RTL9: variants seen among roughly 807,000 people sequenced by gnomAD.
RTL9 encodes the protein retrotransposon Gag like 9.
Under a neutral mutation model 44.7 loss-of-function variants are expected in RTL9, and 19 were observed. That is an observed-to-expected ratio of 0.42 (90% confidence interval 0.30 to 0.62). The LOEUF is 0.62. Ranked by LOEUF, RTL9 falls within the 20% of genes least tolerant of loss-of-function variation. The pLI is 0.16. For missense variants in RTL9, 1,105 were observed against 1,080.6 expected (o/e 1.02, Z -0.32); for synonymous variants, 407 against 398.9 (o/e 1.02, Z -0.24).
chrX:110,432,669 G>T (rs999867695), intron 1 of RTL9, among the ~76,000 whole-genome samples: 3 of 112,085 alleles, frequency 2.7e-5, no homozygotes, highest in African/African-American at 9.7e-5. Flanking sequence ...GTGTTCCACA[G>T]GCAGCACCAG....
intron 1 of RTL9, among the ~76,000 whole-genome samples, chrX:110,374,603 GA>G (rs1293766914): frequency 5.4e-4 from 60 of 112,100 alleles, no homozygotes; most frequent in African/African-American, 1.7e-3. Context: ...TTAAAACTTA[GA>G]AGTAGGGCTA....
At chrX:110,411,997 T>C (rs1298567763) in intron 1 of RTL9, among the ~76,000 whole-genome samples, 1 of 112,258 alleles carries the variant, frequency 8.9e-6, no homozygotes, top group Non-Finnish European at 1.9e-5. Context: ...ACTAGAAAAA[T>C]GCTCAAAGAA....
At chrX:110,374,944 T>G (rs1452393152) in intron 1 of RTL9, among the ~76,000 whole-genome samples, 1 of 111,131 alleles carries the variant, frequency 9.0e-6, no homozygotes, top group Non-Finnish European at 1.9e-5. Flanking sequence ...TCAGCCTTTT[T>G]AAAGGAAATT....
At chrX:110,446,749 G>T (rs925039364), upstream of RTL9, among the ~76,000 whole-genome samples, 1 of 111,286 alleles carries the variant, frequency 9.0e-6, no homozygotes, top group African/African-American at 3.3e-5. Context: ...ATTTTCAATG[G>T]CTACAATAGT....
upstream of RTL9, among the ~76,000 whole-genome samples, chrX:110,416,650 A>T (rs2068679653): frequency 8.9e-6 from 1 of 112,063 alleles, no homozygotes; most frequent in Non-Finnish European, 1.9e-5. Flanking sequence ...CACTGAAGAC[A>T]TGGGCCTCTT....
At chrX:110,378,920 G>A (rs770900824) in intron 1 of RTL9, among the ~76,000 whole-genome samples, 5 of 108,468 alleles carry the variant, frequency 4.6e-5, no homozygotes, top group Admixed American at 2.0e-4. Context: ...CTGGACACCC[G>A]TCCACCCCCC....
intron 1 of RTL9, among the ~76,000 whole-genome samples, chrX:110,362,973 C>G (rs1039007907): frequency 5.4e-5 from 6 of 111,862 alleles, no homozygotes; most frequent in African/African-American, 1.9e-4. Flanking sequence ...GTAATTTGCT[C>G]AAGGCCCCAC....
intron 1 of RTL9, among the ~76,000 whole-genome samples, chrX:110,401,324 G>A (rs1047816292): frequency 9.0e-6 from 1 of 110,919 alleles, no homozygotes; most frequent in African/African-American, 3.3e-5. Flanking sequence ...AGTGTGTCTC[G>A]GGGACTCAGT....
At chrX:110,369,200 C>T (rs992279124) in intron 1 of RTL9, among the ~76,000 whole-genome samples, 1 of 110,754 alleles carries the variant, frequency 9.0e-6, no homozygotes, top group African/African-American at 3.3e-5. Context: ...GGTGTGGTGG[C>T]ACGCTCCTGT....
chrX:110,380,106 A>G (rs1163024658), intron 1 of RTL9, among the ~76,000 whole-genome samples: 1 of 111,520 alleles, frequency 9.0e-6, no homozygotes, highest in Admixed American at 9.5e-5. Context: ...TGGTGTTTCA[A>G]CAGATGGGAA....
At chrX:110,363,031 C>T (rs1358442455) in intron 1 of RTL9, among the ~76,000 whole-genome samples, 3 of 111,989 alleles carry the variant, frequency 2.7e-5, no homozygotes, top group Non-Finnish European at 5.6e-5. Context: ...CTGCCCAACT[C>T]CAGAGCCAAG....
At chrX:110,378,744 C>A (rs778342589) in intron 1 of RTL9, among the ~76,000 whole-genome samples, 23 of 111,898 alleles carry the variant, frequency 2.1e-4, no homozygotes, top group African/African-American at 6.8e-4. Flanking sequence ...CACATGCCAC[C>A]AATTTCATTT....
At chrX:110,421,554 A>G (rs1212483610) in intron 1 of RTL9, among the ~76,000 whole-genome samples, 3 of 112,859 alleles carry the variant, frequency 2.7e-5, no homozygotes, top group South Asian at 7.3e-4. Context: ...AAATTCGAGC[A>G]TATTTGCATT....
chrX:110,446,014 A>G (rs965710847), upstream of RTL9, among the ~76,000 whole-genome samples: 1 of 111,909 alleles, frequency 8.9e-6, no homozygotes, highest in Non-Finnish European at 1.9e-5. Flanking sequence ...AATAGTCACA[A>G]TGGGTCAGAA....
At chrX:110,427,002 T>C (rs1194858958) in intron 1 of RTL9, among the ~76,000 whole-genome samples, 1 of 111,739 alleles carries the variant, frequency 8.9e-6, no homozygotes, top group East Asian at 2.8e-4. Flanking sequence ...AACCCAAGAG[T>C]TGTAGTTCAC....
Position 110,453,266 on chromosome X carries a change from CAT to C in RTL9, c.2650_2651del (p.Met884ValfsTer37). On this transcript the variant is annotated frameshift_variant, in exon 1 of 2. Transcript: ENST00000540313. LOFTEE classifies it high-confidence loss of function. ...AAATGATGCCCACAGCTTCTGGAGA[CAT>C]GTGCACACTACCAGTGCGAGCCCCA... The C allele has an allele frequency of 8.3e-7, 1 of 1,210,671 alleles. No homozygotes were observed. The highest frequency in any genetic ancestry group is 1.1e-6 in the Non-Finnish European group (1 of 895,120).
At chrX:110,370,048 C>T (rs1052661391) in intron 1 of RTL9, among the ~76,000 whole-genome samples, 1 of 111,056 alleles carries the variant, frequency 9.0e-6, no homozygotes, top group Admixed American at 9.6e-5. Flanking sequence ...AATCTGCCTT[C>T]CTGAAACACC....
intron 1 of RTL9, among the ~76,000 whole-genome samples, chrX:110,360,967 C>T (rs918069597): frequency 1.8e-5 from 2 of 111,611 alleles, no homozygotes; most frequent in African/African-American, 3.3e-5. Flanking sequence ...CTCCGATCTT[C>T]GTGGCTTAAT....
At chrX:110,451,372 C>T in exon 1 of RTL9, 1 of 1,212,036 alleles carries the variant, frequency 8.3e-7, no homozygotes, top group Non-Finnish European at 1.1e-6. Context: ...GCTCTAGCCT[C>T]TGGAGAGATA....
Sources: allele counts gnomAD v4.1 joint callset (sites outside exome capture counted in the v4.1 genomes callset), GRCh38; gene constraint gnomAD v4.1.1; transcripts MANE v1.5; gene names NCBI Gene and HGNC (gene_info 2026-07-23, HGNC 2026-07-21).